ZNF875: variants seen among roughly 807,000 people sequenced by gnomAD.
The protein encoded by ZNF875 is zinc finger protein 875.
In ZNF875, 14 loss-of-function variants were observed where a neutral mutation model predicts 11.2. The observed-to-expected ratio is 1.26, with a 90% CI of 0.83 to 1.96. The LOEUF (loss-of-function observed/expected upper bound fraction) is 1.96, where lower values mean the gene tolerates loss of function less well. ZNF875 is among the 30% of genes most tolerant of loss of function. ZNF875 has a pLI of 0.00. For synonymous variants in ZNF875, 301 were observed against 281.1 expected, an observed-to-expected ratio of 1.07 and a Z score of -0.71; for missense variants, 752 against 760.4, an observed-to-expected ratio of 0.99 and a Z score of 0.13.
chr19:37,344,757 G>A (rs1463820462), intron 2 of ZNF875: 11 of 1,587,466 alleles, frequency 6.9e-6, no homozygotes, highest in South Asian at 5.5e-5. Context: ...GAGTTGTTCC[G>A]GGGCTGGAGG....
At chr19:37,344,559 C>A in intron 2 of ZNF875, 2 of 792,228 alleles carry the variant, frequency 2.5e-6, no homozygotes, top group East Asian at 2.5e-5. Context: ...TACGGTAAGG[C>A]TTCTTGTGGC....
At position 37,363,696 on chromosome 19, in the gene ZNF875, C is replaced by G. The variant is rs963514152; in HGVS notation, c.1844C>G (p.Pro615Arg). The G allele has an allele frequency of 6.2e-7, 1 of 1,613,474 alleles. No individual in the cohort carries two copies. Among genetic ancestry groups the G allele is most frequent in the Admixed American group, 1.7e-5 (1 of 59,958 alleles). Residue 615 changes from proline to arginine, a missense_variant, in exon 5 of 5, where the codon CCT (proline) becomes CGT (arginine). By Grantham distance (103) the Pro-to-Arg change is moderately radical. Coordinates refer to ENST00000392153, the MANE Select transcript of ZNF875 (RefSeq NM_001353803.2). ...RHQRTHSGEK[P>R]YICRKCGRGF... ...CAGAGGACACATTCAGGAGAGAAGC[C>G]TTATATTTGCAGAAAGTGTGGACGG...
upstream of ZNF875, chr19:37,313,395 C>A (rs2030045626): frequency 6.6e-6 from 1 of 152,226 alleles, no homozygotes; most frequent in Non-Finnish European, 1.5e-5. Flanking sequence ...CATAGAATCT[C>A]CACCACTGAC....
Position 37,347,832 on chromosome 19 carries a change from C to T in ZNF875, c.216C>T (p.Pro72=). 1 of 1,613,426 alleles carries T rather than the reference C, an allele frequency of 6.2e-7. No individual in the cohort carries two copies. Among genetic ancestry groups the T allele is most frequent in the Non-Finnish European group, 8.5e-7 (1 of 1,179,380 alleles). ...LIAQLERGEA[P]WREERKCPLD... ...CTCAGCTGGAGCGAGGGGAAGCGCC[C>T]TGGAGAGAGGAGAGAAAATGTCCAC... The change falls in exon 4 of 5, where the codon CCC becomes CCT. Residue 72 remains proline, a synonymous_variant. Transcript: ENST00000392153.
upstream of ZNF875, chr19:37,313,194 AAGAC>A (rs1424591864): frequency 6.7e-6 from 1 of 149,786 alleles, no homozygotes; most frequent in Non-Finnish European, 1.5e-5. Context: ...CCAAAAGAAA[AAGAC>A]AACCCCGCCC....
chr19:37,342,432 G>A (rs1455977989), intron 2 of ZNF875, among the ~76,000 whole-genome samples: 1 of 135,146 alleles, frequency 7.4e-6, no homozygotes, highest in Admixed American at 7.7e-5. Context: ...TTTTTTTTGA[G>A]ATGAAGTTTC....
At chr19:37,318,519 G>C (rs960848202) in intron 1 of ZNF875, among the ~76,000 whole-genome samples, 8 of 146,584 alleles carry the variant, frequency 5.5e-5, no homozygotes, top group African/African-American at 2.0e-4. Flanking sequence ...AATCATATTT[G>C]TTTTCTTTTT....
At chr19:37,357,622 T>A (rs142890198) in intron 4 of ZNF875, among the ~76,000 whole-genome samples, 38 of 152,286 alleles carry the variant, frequency 2.5e-4, no homozygotes, top group African/African-American at 6.7e-4. Context: ...GATCTTGTTC[T>A]TTATTTGGCT....
At position 37,362,851 on chromosome 19, in the gene ZNF875, A is replaced by G; in HGVS notation, c.999A>G (p.Ser333=). ...TCTTTACACATCAGCGGACACACTC[A>G]GGGCTCAAGCCTTATGTGTGCAAGG... is the stretch of plus-strand genomic sequence containing the variant. ...SNLFTHQRTH[S]GLKPYVCKEC... Residue 333 remains serine (S), a synonymous_variant, in exon 5 of 5, where the codon TCA becomes TCG. Transcript: ENST00000392153. 6.2e-7 allele frequency: 1 copy of G among 1,613,926 alleles called. No homozygotes were observed. Among genetic ancestry groups the G allele is most frequent in the Non-Finnish European group, 8.5e-7 (1 of 1,179,958 alleles).
intron 4 of ZNF875, among the ~76,000 whole-genome samples, chr19:37,348,432 T>TC (rs1439146505): frequency 6.6e-6 from 1 of 152,224 alleles, no homozygotes; most frequent in Non-Finnish European, 1.5e-5. Context: ...TATTAGGGAT[T>TC]TGTAATTCTC....
At position 37,327,757 on chromosome 19, in the gene ZNF875, C is replaced by A. The variant is rs2032726551; in HGVS notation, c.-603+3492C>A. On this transcript the variant is annotated intron_variant, in intron 4 of 5. Transcript: ENST00000544914. ...CCAGCCTGGCCCACAGAGCAAAACT[C>A]CTCAAAAAAAAAAAAAAAAAATCAT... Among the ~76,000 whole-genome samples, 2 of 60,412 alleles carry A rather than the reference C, an allele frequency of 3.3e-5. 1 individual carries two copies. Among genetic ancestry groups the A allele is most frequent in the South Asian group, 1.2e-3 (2 of 1,678 alleles). 39.6% of individuals were successfully genotyped at this position (60,412 alleles called of 152,430 possible).
In ZNF875 at chr19:37,353,656, C is replaced by T. The variant is rs536055441; in HGVS notation, c.256+5784C>T. ...AAAAGATTATTTTCTCTCCAGTTTG[C>T]GAAAATTAACTGGAGATAGAATCGC... is the stretch of plus-strand genomic sequence containing the variant. On this transcript the variant is annotated intron_variant, in intron 4 of 4. Transcript: ENST00000392153. Among the ~76,000 whole-genome samples the T allele has an allele frequency of 1.7e-4, 26 of 152,228 alleles. No homozygotes were observed. The South Asian group carries it at 2.5e-3, about 15-fold the overall frequency.
rs778632069 is a variant in ZNF875 at position 37,362,835 on chromosome 19, A to G, written c.983A>G (p.His328Arg). 141 of 1,613,992 alleles carry G rather than the reference A, an allele frequency of 8.7e-5. No individual in the cohort carries two copies. Among genetic ancestry groups the G allele is most frequent in the Middle Eastern group, 8.2e-4 (5 of 6,084 alleles). ...ACTTGGAAGTCGAACCTCTTTACAC[A>G]TCAGCGGACACACTCAGGGCTCAAG... is the stretch of plus-strand genomic sequence containing the variant. ...GFTWKSNLFT[H>R]QRTHSGLKPY... Residue 328 changes from histidine to arginine, a missense_variant, in exon 5 of 5, where the codon CAT becomes CGT. By Grantham distance (29) the His-to-Arg change is conservative (BLOSUM62 0). Transcript: ENST00000392153.
At chr19:37,346,223 T>C (rs921747996) in intron 2 of ZNF875, 2 of 152,242 alleles carry the variant, frequency 1.3e-5, no homozygotes, top group South Asian at 2.1e-4. Context: ...GCATTTTGTC[T>C]GAGCCCTTCA....
intron 3 of ZNF875, 49 bp downstream of exon 3, chr19:37,347,365 TC>T (rs1289984781): frequency 6.4e-7 from 1 of 1,558,540 alleles, no homozygotes; most frequent in Non-Finnish European, 8.7e-7. Flanking sequence ...CAGAGTATTT[TC>T]CACTCATCGT....
chr19:37,363,885 C>G lies in ZNF875; in HGVS notation c.*110C>G. ...TGGCTTTTTCAGCCATTGCTAGATA[C>G]CAAAGTGGAGACATTCTGTGTGTGA... is the stretch of plus-strand genomic sequence containing the variant. On this transcript the variant is annotated 3_prime_UTR_variant, in exon 5 of 5. Transcript: ENST00000392153. The G allele has an allele frequency of 1.2e-6, 1 of 820,874 alleles. No homozygotes were observed. Among genetic ancestry groups the G allele is most frequent in the Non-Finnish European group, 2.0e-6 (1 of 505,700 alleles). 50.8% of individuals were successfully genotyped at this position (820,874 alleles called of 1,614,324 possible).
At chr19:37,359,879 AT>A (rs1568654316) in intron 4 of ZNF875, 1 of 152,226 alleles carries the variant, frequency 6.6e-6, no homozygotes, top group Admixed American at 6.5e-5. Flanking sequence ...TCTGTGGCTT[AT>A]CTTTTCATTT....
At chr19:37,339,506 T>C (rs2035217781) in intron 2 of ZNF875, among the ~76,000 whole-genome samples, 1 of 151,706 alleles carries the variant, frequency 6.6e-6, no homozygotes, top group Non-Finnish European at 1.5e-5. Flanking sequence ...TTTTGAAGCA[T>C]TGGGCACCCA....
rs2036512972 is a variant in ZNF875, at chr19:37,345,060, A to G, written c.34-2130A>G. 13 of 317,840 alleles carry G rather than the reference A, an allele frequency of 4.1e-5. No individual in the cohort carries two copies. The South Asian group carries it at 4.5e-4, about 11-fold the overall frequency. 19.7% of individuals were successfully genotyped at this position (317,840 alleles called of 1,614,324 possible). On this transcript the variant is annotated intron_variant, in intron 2 of 4. Transcript: ENST00000392153. ...TCTCATGAACTTTTCCTGATCCTCA[A>G]TCCTACAGTGACCTCTCCCTCTTGA...
Sources: allele counts gnomAD v4.1 joint callset (sites outside exome capture counted in the v4.1 genomes callset), GRCh38; gene constraint gnomAD v4.1.1; transcripts MANE v1.5; gene names NCBI Gene and HGNC (gene_info 2026-07-23, HGNC 2026-07-21).